Variants in FANCC observed in about 807,000 individuals in gnomAD.
The protein encoded by FANCC is FA complementation group C.
In FANCC, 55 loss-of-function variants were observed where a neutral mutation model predicts 71.3. That is an observed-to-expected ratio of 0.77 (90% confidence interval 0.62 to 0.97). The LOEUF (loss-of-function observed/expected upper bound fraction) is 0.97. Among genes scored for constraint, FANCC ranks in the 50% least tolerant of loss-of-function variants. The probability of loss-of-function intolerance (pLI) is 0.00; values close to 1 mark genes in which losing one functional copy is unlikely to be tolerated. For synonymous variants in FANCC, 275 were observed against 244.9 expected (o/e 1.12, Z -1.15); for missense variants, 678 against 670.9 (o/e 1.01, Z -0.12).
Position 95,238,385 on chromosome 9 carries a change from T to C in FANCC, c.345+2264A>G, listed in dbSNP as rs574131566. Among the ~76,000 whole-genome samples the C allele has an allele frequency of 5.3e-5, 8 of 152,290 alleles. No individual in the cohort carries two copies. The South Asian group carries it at 1.4e-3, about 28-fold the overall frequency. On this transcript the variant is annotated intron_variant, in intron 4 of 14. Transcript: ENST00000289081. ...TTATACCTTCTGGGTATTTGCCTTA[T>C]TAATATCTTATAAATCGGGCCCCCT...
chr9:95,305,073 C>A (rs547458163), intron 1 of FANCC, among the ~76,000 whole-genome samples: 1 of 152,286 alleles, frequency 6.6e-6, no homozygotes, highest in African/African-American at 2.4e-5. Context: ...CAAACAGTCA[C>A]TTAATTGCTC....
chr9:95,302,760 T>C (rs578176114), intron 1 of FANCC, among the ~76,000 whole-genome samples: 7 of 152,306 alleles, frequency 4.6e-5, no homozygotes, highest in African/African-American at 1.7e-4. Context: ...CTTCCTGCAA[T>C]TCTCTGTCCT....
intron 10 of FANCC, among the ~76,000 whole-genome samples, chr9:95,119,578 A>C (rs999152787): frequency 2.6e-5 from 4 of 151,948 alleles, no homozygotes; most frequent in African/African-American, 9.7e-5. Flanking sequence ...GTTGGCCAGG[A>C]TGGTCTTGAT....
At chr9:95,285,972 T>C (rs778149047) in intron 1 of FANCC, among the ~76,000 whole-genome samples, 7 of 152,204 alleles carry the variant, frequency 4.6e-5, no homozygotes, top group Non-Finnish European at 8.8e-5. Flanking sequence ...ATATAATTTG[T>C]AATACAGCCA....
chr9:95,199,952 T>TTATACAAG (rs1269093452), intron 4 of FANCC, among the ~76,000 whole-genome samples: 1 of 152,226 alleles, frequency 6.6e-6, no homozygotes, highest in Non-Finnish European at 1.5e-5. Context: ...TTAGGATGAT[T>TTATACAAG]TATACAAGTT....
At chr9:95,104,229 A>G (rs1300826960) in intron 14 of FANCC, among the ~76,000 whole-genome samples, 1 of 152,214 alleles carries the variant, frequency 6.6e-6, no homozygotes, top group Non-Finnish European at 1.5e-5. Flanking sequence ...CTCATTAGGA[A>G]GACTGACGTG....
chr9:95,265,778 T>C (rs1320180568), intron 1 of FANCC, among the ~76,000 whole-genome samples: 1 of 152,156 alleles, frequency 6.6e-6, no homozygotes, highest in Admixed American at 6.5e-5. Flanking sequence ...AGGAAACCCA[T>C]ACATTTATTA....
chr9:95,119,601 T>TG (rs1321951010), intron 10 of FANCC, among the ~76,000 whole-genome samples: 1 of 152,198 alleles, frequency 6.6e-6, no homozygotes, highest in Non-Finnish European at 1.5e-5. Flanking sequence ...CTTGAACTCG[T>TG]GATCCACCCA....
At chr9:95,188,015 C>T (rs949882730) in intron 4 of FANCC, among the ~76,000 whole-genome samples, 6 of 151,224 alleles carry the variant, frequency 4.0e-5, no homozygotes, top group South Asian at 2.3e-4. Context: ...GTAAATCGCC[C>T]GGCTAGAGAT....
intron 8 of FANCC, among the ~76,000 whole-genome samples, chr9:95,132,715 T>TAGA (rs533846998): frequency 0.011 from 1,602 of 152,316 alleles, 16 homozygotes; most frequent in Non-Finnish European, 0.018. Flanking sequence ...CATTTGGAAC[T>TAGA]CAGGTAATAA....
At position 95,289,508 on chromosome 9, in the gene FANCC, T is replaced by C. The variant is rs573584533; in HGVS notation, c.-79+28018A>G. ...GGGGGGATAATAATTTCATGTGTCA[T>C]CATCTACAGGCTTATGATTGAGCTA... On this transcript the variant is annotated intron_variant, in intron 1 of 14. Transcript: ENST00000289081. Among the ~76,000 whole-genome samples the C allele has an allele frequency of 1.8e-3, 275 of 152,340 alleles. 1 individual carries two copies. The highest frequency in any genetic ancestry group is 2.9e-3 in the Non-Finnish European group (196 of 68,034).
intron 1 of FANCC, among the ~76,000 whole-genome samples, chr9:95,264,491 A>G (rs1328056537): frequency 6.6e-6 from 1 of 152,236 alleles, no homozygotes; most frequent in Non-Finnish European, 1.5e-5. Context: ...GGGACAAGAA[A>G]GTCTAAGAAT....
At chr9:95,162,696 T>C (rs1564710811) in intron 6 of FANCC, among the ~76,000 whole-genome samples, 2 of 152,208 alleles carry the variant, frequency 1.3e-5, no homozygotes, top group African/African-American at 2.4e-5. Context: ...CTGATTATCA[T>C]GTCCCTGATA....
chr9:95,190,225 A>G (rs1291665550), intron 4 of FANCC, among the ~76,000 whole-genome samples: 2 of 152,048 alleles, frequency 1.3e-5, no homozygotes, highest in African/African-American at 4.8e-5. Context: ...CTCTGCTCCT[A>G]TAAAGTGCAG....
chr9:95,171,913 G>A, intron 5 of FANCC, 124 bp downstream of exon 5: 1 of 704,756 alleles, frequency 1.4e-6, no homozygotes. Flanking sequence ...CCCAAGGTAA[G>A]AAGAGATAAA....
At chr9:95,191,134 C>T (rs1455184965) in intron 4 of FANCC, among the ~76,000 whole-genome samples, 3 of 152,084 alleles carry the variant, frequency 2.0e-5, no homozygotes, top group Non-Finnish European at 4.4e-5. Context: ...TTGTGGATGC[C>T]ATTTCTATGC....
At chr9:95,262,755 T>C (rs967243183) in intron 1 of FANCC, among the ~76,000 whole-genome samples, 1 of 152,224 alleles carries the variant, frequency 6.6e-6, no homozygotes, top group African/African-American at 2.4e-5. Flanking sequence ...AAGTGTGGCA[T>C]ATGCACACAC....
At position 95,130,608 on chromosome 9, in the gene FANCC, G is replaced by A. The variant is rs117604405; in HGVS notation, c.844-4027C>T. Among the ~76,000 whole-genome samples, 9 of 152,230 alleles carry A rather than the reference G, an allele frequency of 5.9e-5. No homozygotes were observed. In the East Asian group the frequency reaches 1.5e-3, roughly 26 times the overall value. On this transcript the variant is annotated intron_variant, in intron 8 of 14. Coordinates refer to ENST00000289081, the MANE Select transcript of FANCC (RefSeq NM_000136.3). ...TGCATGTAGCTTAAATATTTACTTA[G>A]GAAATGGGTCATTTAAAGAATCAGC...
At chr9:95,140,439 T>C (rs1828466839) in intron 7 of FANCC, among the ~76,000 whole-genome samples, 2 of 152,204 alleles carry the variant, frequency 1.3e-5, no homozygotes, top group African/African-American at 4.8e-5. Context: ...AACTGCTTAC[T>C]AAATAATTTT....
Sources: gnomAD v4.1 joint callset for allele counts (sites outside exome capture counted in the v4.1 genomes callset) on GRCh38, gnomAD v4.1.1 for gene constraint, MANE v1.5 for transcripts, NCBI Gene and HGNC (gene_info 2026-07-23, HGNC 2026-07-21) for gene names.